The following TENM1 variants were observed in gnomAD, a reference collection of about 807,000 sequenced individuals.
The protein encoded by TENM1 is teneurin transmembrane protein 1, also known as teneurin-1.
TENM1 carries 35 observed loss-of-function variants against 174.8 expected under a neutral mutation model. The ratio of observed to expected loss-of-function variants is 0.20; its 90% CI spans 0.15 to 0.27. The LOEUF is 0.27. Ranked by LOEUF, TENM1 falls within the 10% of genes least tolerant of loss-of-function variation. The pLI is 1.00. For synonymous variants in TENM1, 781 were observed against 798.7 expected (o/e 0.98, Z 0.37); for missense variants, 1,633 against 2,130.1 (o/e 0.77, Z 4.59).
chrX:124,529,750 T>A, intron 16 of TENM1, 114 bp downstream of exon 19: 1 of 981,422 alleles, frequency 1.0e-6, no homozygotes. Flanking sequence ...CTTTTTGAGA[T>A]ATAACTTGAA....
At chrX:125,141,009 T>C in the TENM1 span, among the ~76,000 whole-genome samples, 7 of 111,833 alleles carry the variant, frequency 6.3e-5, no homozygotes, top group Non-Finnish European at 1.1e-4. Flanking sequence ...AAGTCCAGTA[T>C]TGACGAAAGT....
chrX:124,998,130 C>T, the TENM1 span, among the ~76,000 whole-genome samples: 6 of 108,118 alleles, frequency 5.5e-5, no homozygotes, highest in Admixed American at 1.0e-4. Context: ...AAGGATTTCC[C>T]CTAAGTGTCT....
chrX:124,845,654 A>T (rs1480509901), intron 3 of TENM1, among the ~76,000 whole-genome samples: 4 of 111,240 alleles, frequency 3.6e-5, no homozygotes, highest in Non-Finnish European at 7.6e-5. Context: ...GTGATTAAGG[A>T]TTACAAAATA....
chrX:125,080,054 G>A, the TENM1 span, among the ~76,000 whole-genome samples: 3 of 103,756 alleles, frequency 2.9e-5, no homozygotes, highest in Admixed American at 1.0e-4. Flanking sequence ...CTCCAGATAC[G>A]TTTCCTAGCT....
intron 1 of TENM1, among the ~76,000 whole-genome samples, chrX:124,942,087 G>A (rs1652546686): frequency 1.8e-5 from 2 of 111,644 alleles, no homozygotes; most frequent in Admixed American, 1.9e-4. Context: ...TACAATTCAA[G>A]ATGAGATTTG....
At chrX:124,910,352 T>C (rs1207764027) in intron 1 of TENM1, among the ~76,000 whole-genome samples, 1 of 112,251 alleles carries the variant, frequency 8.9e-6, no homozygotes, top group Admixed American at 9.4e-5. Context: ...TAAAAAACAA[T>C]GGACAATCTA....
the TENM1 span, among the ~76,000 whole-genome samples, chrX:124,977,709 A>G: frequency 3.6e-5 from 4 of 110,823 alleles, no homozygotes; most frequent in African/African-American, 1.3e-4. Context: ...TCTGTAAATT[A>G]AATTAAGTCA....
At chrX:124,754,476 T>C (rs1210781850) in intron 3 of TENM1, among the ~76,000 whole-genome samples, 1 of 111,568 alleles carries the variant, frequency 9.0e-6, no homozygotes, top group Non-Finnish European at 1.9e-5. Flanking sequence ...GTTTTTTGTG[T>C]CTCTATTTCC....
At chrX:125,105,083 T>C in the TENM1 span, among the ~76,000 whole-genome samples, 1 of 112,172 alleles carries the variant, frequency 8.9e-6, no homozygotes, top group Non-Finnish European at 1.9e-5. Context: ...AATTAAACCT[T>C]GTAGGTTTGG....
intron 19 of TENM1, among the ~76,000 whole-genome samples, 194 bp from the exon 23 acceptor site, chrX:124,497,459 A>G (rs991446007): frequency 2.7e-5 from 3 of 111,398 alleles, no homozygotes; most frequent in Non-Finnish European, 5.7e-5. Flanking sequence ...GTAGCATAAT[A>G]CTTTGCCTCA....
At chrX:125,117,694 C>G in the TENM1 span, among the ~76,000 whole-genome samples, 1 of 110,230 alleles carries the variant, frequency 9.1e-6, no homozygotes, top group Non-Finnish European at 1.9e-5. Context: ...AGAACTTAAA[C>G]TATAATTTAA....
the TENM1 span, among the ~76,000 whole-genome samples, chrX:125,098,265 AAAAT>A: frequency 9.0e-6 from 1 of 111,689 alleles, no homozygotes; most frequent in Non-Finnish European, 1.9e-5. Flanking sequence ...CTCCATCTCA[AAAAT>A]AAATAAATAA....
At chrX:124,672,381 T>C (rs1331606444) in intron 5 of TENM1, among the ~76,000 whole-genome samples, 1 of 111,474 alleles carries the variant, frequency 9.0e-6, no homozygotes, top group Non-Finnish European at 1.9e-5. Context: ...TAAAATAATA[T>C]TATGCAGAAT....
At chrX:124,594,285 G>A (rs1330284958) in intron 11 of TENM1, among the ~76,000 whole-genome samples, 4 of 111,488 alleles carry the variant, frequency 3.6e-5, no homozygotes, top group African/African-American at 6.5e-5. Context: ...CCTGGGATCT[G>A]GAGTGTCCTT....
At chrX:125,077,798 C>T in the TENM1 span, among the ~76,000 whole-genome samples, 2 of 111,636 alleles carry the variant, frequency 1.8e-5, no homozygotes, top group Admixed American at 1.9e-4. Context: ...CAACTGAAGT[C>T]ATCCCACTTA....
At chrX:124,848,669 C>T (rs1184449064) in intron 3 of TENM1, among the ~76,000 whole-genome samples, 1 of 110,491 alleles carries the variant, frequency 9.1e-6, no homozygotes, top group Non-Finnish European at 1.9e-5. Flanking sequence ...ACATAGAATT[C>T]ATTGTAGTGT....
chrX:124,517,300 T>A (rs1274354474), intron 18 of TENM1, among the ~76,000 whole-genome samples: 1 of 110,684 alleles, frequency 9.0e-6, no homozygotes, highest in African/African-American at 3.3e-5. Context: ...GAACTTAAAA[T>A]AAAAGTTTAA....
chrX:125,152,714 T>A, the TENM1 span, among the ~76,000 whole-genome samples: 3 of 112,296 alleles, frequency 2.7e-5, no homozygotes, highest in Non-Finnish European at 5.6e-5. Context: ...AGAGGCTGGT[T>A]GATGTTATTG....
intron 18 of TENM1, 150 bp downstream of exon 21, chrX:124,520,367 G>T: frequency 1.9e-6 from 1 of 529,387 alleles, no homozygotes; most frequent in Non-Finnish European, 2.9e-6. Context: ...ACTCTAAACT[G>T]GCCTCAAGGT....
Sources: allele counts gnomAD v4.1 joint callset (sites outside exome capture counted in the v4.1 genomes callset), GRCh38; gene constraint gnomAD v4.1.1; transcripts MANE v1.5; gene names NCBI Gene and HGNC (gene_info 2026-07-23, HGNC 2026-07-21).